The following FAM174A variants were observed in gnomAD, a reference collection of about 807,000 sequenced individuals.
The protein encoded by FAM174A is membrane protein FAM174A.
FAM174A carries 14 observed loss-of-function variants against 14.3 expected under a neutral mutation model. That is an observed-to-expected ratio of 0.98 (90% CI 0.65 to 1.53). FAM174A has a LOEUF of 1.53. FAM174A is among the 40% of genes most tolerant of loss of function. The pLI, the probability that FAM174A is intolerant of heterozygous loss-of-function variation, is 0.00. For missense variants in FAM174A, 241 were observed against 249.6 expected (o/e 0.97, Z 0.23); for synonymous variants, 108 against 111.4 (o/e 0.97, Z 0.19).
At chr5:100,547,832 A>AT (rs1746192595) in intron 1 of FAM174A, among the ~76,000 whole-genome samples, 1 of 151,244 alleles carries the variant, frequency 6.6e-6, no homozygotes, top group African/African-American at 2.5e-5. Flanking sequence ...ACACAAGGAA[A>AT]TATTTTTTTT....
In FAM174A at chr5:100,562,161, C is replaced by G; in HGVS notation, c.542C>G (p.Thr181Arg). 6.3e-7 allele frequency: 1 copy of G among 1,580,982 alleles called. No homozygotes were observed. The highest frequency in any genetic ancestry group is 1.4e-5 in the African/African-American group (1 of 72,090). ...LEQDDEDDDN[T>R]LFDANHPRR ...CAGGATGATGAGGATGATGACAACA[C>G]GTTGTTTGATGCCAATCATCCTCGA... Residue 181 changes from threonine (T) to arginine (R), a missense_variant, in exon 2 of 3, where the codon ACG becomes AGG. Physicochemically the swap from Thr to Arg is moderately conservative, Grantham distance 71 (BLOSUM62 -1). Transcript: ENST00000312637.
chr5:100,568,497 G>A (rs1213304977), intron 2 of FAM174A, among the ~76,000 whole-genome samples: 2 of 151,334 alleles, frequency 1.3e-5, no homozygotes, highest in Admixed American at 1.3e-4. Context: ...GTGTCCATGT[G>A]CTTGCTATAC....
In FAM174A at chr5:100,571,052, C is replaced by T. The variant is rs140892551; in HGVS notation, c.569+8864C>T. On this transcript the variant is annotated intron_variant, in intron 2 of 2. Coordinates refer to ENST00000312637, the MANE Select transcript of FAM174A (RefSeq NM_198507.3). ...GACAAATCCTTCTTTGTCATGGTAC[C>T]CTTCTATATATCGTTGGGTTCAATT... Among the ~76,000 whole-genome samples, 5 of 151,116 alleles carry T rather than the reference C, an allele frequency of 3.3e-5. No individual in the cohort carries two copies. In the East Asian group the frequency reaches 9.7e-4, roughly 29 times the overall value.
At chr5:100,549,711 C>T (rs1166879233) in intron 1 of FAM174A, among the ~76,000 whole-genome samples, 6 of 150,978 alleles carry the variant, frequency 4.0e-5, no homozygotes, top group Non-Finnish European at 7.4e-5. Flanking sequence ...TAAGGATGCA[C>T]GTGGTCGAGA....
At chr5:100,553,372 T>C (rs1746302432) in intron 1 of FAM174A, among the ~76,000 whole-genome samples, 1 of 152,128 alleles carries the variant, frequency 6.6e-6, no homozygotes. Context: ...AATTGCTTTT[T>C]TTCTTCCTTG....
intron 1 of FAM174A, among the ~76,000 whole-genome samples, chr5:100,537,063 C>T (rs1404368700): frequency 6.6e-6 from 1 of 152,192 alleles, no homozygotes; most frequent in Non-Finnish European, 1.5e-5. Context: ...TGCAACTAAT[C>T]TTTAAGAAAC....
intron 2 of FAM174A, among the ~76,000 whole-genome samples, chr5:100,562,677 A>G (rs1746553568): frequency 6.6e-6 from 1 of 151,604 alleles, no homozygotes; most frequent in South Asian, 2.1e-4. Flanking sequence ...TGTATTCTGA[A>G]GATATTTTCT....
At chr5:100,579,867 CAG>C (rs1252114385) in intron 2 of FAM174A, among the ~76,000 whole-genome samples, 1 of 152,174 alleles carries the variant, frequency 6.6e-6, no homozygotes, top group Non-Finnish European at 1.5e-5. Flanking sequence ...CAGAAACTAG[CAG>C]AGTTTTCATT....
chr5:100,538,561 A>G (rs938133364), intron 1 of FAM174A, among the ~76,000 whole-genome samples: 4 of 152,048 alleles, frequency 2.6e-5, no homozygotes, highest in African/African-American at 7.2e-5. Context: ...CACGGTAGGG[A>G]CAAAGTAGAT....
intron 1 of FAM174A, among the ~76,000 whole-genome samples, chr5:100,554,798 A>T (rs536288254): frequency 2.6e-5 from 4 of 152,244 alleles, no homozygotes; most frequent in South Asian, 2.1e-4. Flanking sequence ...TCTATCTATC[A>T]ATCATCCATC....
At chr5:100,566,607 A>G (rs1218717789) in intron 2 of FAM174A, among the ~76,000 whole-genome samples, 1 of 151,864 alleles carries the variant, frequency 6.6e-6, no homozygotes, top group East Asian at 1.9e-4. Flanking sequence ...ACACACAAAA[A>G]TATGTTAATC....
intron 2 of FAM174A, among the ~76,000 whole-genome samples, chr5:100,577,214 A>AT (rs1239750941): frequency 6.6e-6 from 1 of 152,108 alleles, no homozygotes; most frequent in African/African-American, 2.4e-5. Flanking sequence ...AATAAAAATA[A>AT]TTAAGTTTTA....
intron 2 of FAM174A, among the ~76,000 whole-genome samples, chr5:100,564,523 G>C (rs557672820): frequency 2.0e-5 from 3 of 151,658 alleles, no homozygotes; most frequent in African/African-American, 7.2e-5. Context: ...CAGAACGAGG[G>C]AAATAATTAA....
chr5:100,571,313 A>G (rs1746774608), intron 2 of FAM174A, among the ~76,000 whole-genome samples: 1 of 151,668 alleles, frequency 6.6e-6, no homozygotes, highest in Non-Finnish European at 1.5e-5. Flanking sequence ...TAAGTATTTG[A>G]TAGAACAAAT....
chr5:100,581,150 G>A (rs1181056026), intron 2 of FAM174A, among the ~76,000 whole-genome samples: 3 of 152,098 alleles, frequency 2.0e-5, no homozygotes, highest in Admixed American at 6.6e-5. Flanking sequence ...GGCTGGTCTC[G>A]AACTCCTGAC....
At chr5:100,580,460 C>A (rs900664165) in intron 2 of FAM174A, among the ~76,000 whole-genome samples, 18 of 152,152 alleles carry the variant, frequency 1.2e-4, no homozygotes, top group Admixed American at 1.2e-3. Context: ...GGTCCGAGTT[C>A]CAAAACTGAA....
Position 100,535,554 on chromosome 5 carries a change from CTGT to C in FAM174A, c.25_27del (p.Cys9del). 6.2e-7 allele frequency: 1 copy of C among 1,613,166 alleles called. No homozygotes were observed. The highest frequency in any genetic ancestry group is 8.5e-7 in the Non-Finnish European group (1 of 1,179,956). On this transcript the variant is annotated inframe_deletion, in exon 1 of 3. Transcript: ENST00000312637. ...CGATGAAGGCCTCGCAGTGCTGCTGCTGTCTCAGCCACCTCTTGGCTTCCGTCC... is the reference window on the plus strand; with the variant it reads ...CGATGAAGGCCTCGCAGTGCTGCTGCCTCAGCCACCTCTTGGCTTCCGTCC...
chr5:100,559,524 A>T (rs1295856864), intron 1 of FAM174A, among the ~76,000 whole-genome samples: 1 of 152,000 alleles, frequency 6.6e-6, no homozygotes, highest in Non-Finnish European at 1.5e-5. Flanking sequence ...GTTCTCCTGG[A>T]TAATATCCTG....
chr5:100,563,974 C>T (rs988846099), intron 2 of FAM174A, among the ~76,000 whole-genome samples: 1 of 151,828 alleles, frequency 6.6e-6, no homozygotes, highest in East Asian at 1.9e-4. Flanking sequence ...GGGGACTGAT[C>T]CCTCATGGCT....
Sources: allele counts gnomAD v4.1 joint callset (sites outside exome capture counted in the v4.1 genomes callset), GRCh38; gene constraint gnomAD v4.1.1; transcripts MANE v1.5; gene names NCBI Gene and HGNC (gene_info 2026-07-23, HGNC 2026-07-21).